Variants in GPC5 observed in about 807,000 individuals in gnomAD.
The protein encoded by GPC5 is glypican-5.
In GPC5, 47 loss-of-function variants were observed where a neutral mutation model predicts 53.9. The ratio of observed to expected loss-of-function variants is 0.87; its 90% confidence interval spans 0.69 to 1.11. The LOEUF (loss-of-function observed/expected upper bound fraction) is 1.11. Ranked by LOEUF, GPC5 falls within the 50% of genes most tolerant of loss-of-function variation. GPC5 has a pLI of 0.00. For synonymous variants in GPC5, 286 were observed against 263.3 expected, an observed-to-expected ratio of 1.09 and a Z score of -0.84; for missense variants, 748 against 713.1, an observed-to-expected ratio of 1.05 and a Z score of -0.56.
chr13:92,087,616 T>C (rs1433497965), intron 6 of GPC5, among the ~76,000 whole-genome samples: 7 of 152,196 alleles, frequency 4.6e-5, no homozygotes, highest in African/African-American at 1.7e-4. Flanking sequence ...TATAAACTTA[T>C]CTATAATTGG....
At position 91,849,445 on chromosome 13, in the gene GPC5, A is replaced by G. The variant is rs72647296; in HGVS notation, c.1281-58492A>G. ...TAGCTCTATGAACATTTAAAAATATATTTTATACCTTCCAGTATTTTTTCA... is the reference window on the plus strand; with the variant it reads ...TAGCTCTATGAACATTTAAAAATATGTTTTATACCTTCCAGTATTTTTTCA... On this transcript the variant is annotated intron_variant, in intron 5 of 7. Coordinates refer to ENST00000377067, the MANE Select transcript of GPC5 (RefSeq NM_004466.6). Among the ~76,000 whole-genome samples, 435 of 152,268 alleles carry G rather than the reference A, an allele frequency of 2.9e-3. 4 individuals carry two copies. Among genetic ancestry groups the G allele is most frequent in the Admixed American group, 0.012 (184 of 15,282 alleles).
chr13:92,004,097 T>A (rs2040581532), intron 6 of GPC5, among the ~76,000 whole-genome samples: 2 of 152,174 alleles, frequency 1.3e-5, no homozygotes, highest in East Asian at 1.9e-4. Context: ...TTTGTTACTG[T>A]AAAAACAGTT....
rs376267661 is a variant in GPC5, at chr13:92,269,660, C to A, written c.1561+124671C>A. Among the ~76,000 whole-genome samples the A allele has an allele frequency of 4.1e-4, 63 of 152,252 alleles. No homozygotes were observed. In the East Asian group the frequency reaches 7.6e-3, roughly 18 times the overall value. On this transcript the variant is annotated intron_variant, in intron 7 of 7. Coordinates refer to ENST00000377067, the MANE Select transcript of GPC5 (RefSeq NM_004466.6). ...TGACCTCGTGATCTGCCCGCCTCAG[C>A]CTCCCAAAGTGCTGGGATTACAGGC... is the stretch of plus-strand genomic sequence containing the variant.
chr13:92,464,719 C>T lies in GPC5; in HGVS notation c.1561+319730C>T, dbSNP rs529102978. Among the ~76,000 whole-genome samples the T allele has an allele frequency of 1.5e-3, 235 of 151,828 alleles. 1 individual carries two copies. The Middle Eastern group carries it at 0.027, about 18-fold the overall frequency. ...ATATTGTTATTAATAGAAATAGAAACTTTCAAAAATTACTTTAAAGCATGT... is the reference window on the plus strand; with the variant it reads ...ATATTGTTATTAATAGAAATAGAAATTTTCAAAAATTACTTTAAAGCATGT... On this transcript the variant is annotated intron_variant, in intron 7 of 7. Coordinates refer to ENST00000377067, the MANE Select transcript of GPC5 (RefSeq NM_004466.6).
intron 6 of GPC5, among the ~76,000 whole-genome samples, chr13:91,945,682 C>A (rs932365506): frequency 7.9e-4 from 121 of 152,216 alleles, no homozygotes; most frequent in African/African-American, 2.8e-3. Flanking sequence ...AGGGCCCACT[C>A]ATCATTTGCT....
intron 4 of GPC5, among the ~76,000 whole-genome samples, chr13:91,729,812 G>A (rs1424032516): frequency 6.6e-6 from 1 of 152,018 alleles, no homozygotes; most frequent in Admixed American, 6.6e-5. Flanking sequence ...AGTCCTTCGA[G>A]GTGTTGTATT....
chr13:92,114,202 C>T (rs1315654287), intron 6 of GPC5, among the ~76,000 whole-genome samples: 1 of 152,124 alleles, frequency 6.6e-6, no homozygotes, highest in Non-Finnish European at 1.5e-5. Flanking sequence ...CCTTCTTTGA[C>T]ATGTGCACAG....
intron 2 of GPC5, among the ~76,000 whole-genome samples, chr13:91,488,227 T>C (rs1398495876): frequency 1.3e-5 from 2 of 152,212 alleles, no homozygotes; most frequent in African/African-American, 4.8e-5. Flanking sequence ...TGATGTTCTG[T>C]ATTTTAGGGG....
chr13:91,945,066 C>T (rs1258479747), intron 6 of GPC5, among the ~76,000 whole-genome samples: 3 of 152,184 alleles, frequency 2.0e-5, no homozygotes, highest in East Asian at 3.8e-4. Flanking sequence ...CATATATAAG[C>T]ATATAATACA....
At chr13:92,581,646 T>C (rs1883373818) in intron 7 of GPC5, among the ~76,000 whole-genome samples, 2 of 152,178 alleles carry the variant, frequency 1.3e-5, no homozygotes, top group African/African-American at 2.4e-5. Flanking sequence ...TCCATACTGT[T>C]TTCCATAATG....
intron 6 of GPC5, among the ~76,000 whole-genome samples, chr13:91,909,736 A>C (rs375624726): frequency 6.6e-6 from 1 of 152,130 alleles, no homozygotes; most frequent in South Asian, 2.1e-4. Context: ...ACACATTTAC[A>C]GAGAAGAACA....
chr13:92,522,702 G>C (rs1479235287), intron 7 of GPC5, among the ~76,000 whole-genome samples: 1 of 152,054 alleles, frequency 6.6e-6, no homozygotes, highest in Non-Finnish European at 1.5e-5. Flanking sequence ...CTCCAACATG[G>C]CACATGTATG....
At chr13:91,873,183 C>T (rs2039166104) in intron 5 of GPC5, among the ~76,000 whole-genome samples, 2 of 152,098 alleles carry the variant, frequency 1.3e-5, no homozygotes, top group African/African-American at 4.8e-5. Context: ...ACATGTCTTC[C>T]AATCTAATCT....
intron 6 of GPC5, among the ~76,000 whole-genome samples, chr13:91,911,896 G>A (rs1048565879): frequency 2.0e-5 from 3 of 152,158 alleles, no homozygotes; most frequent in African/African-American, 7.2e-5. Context: ...GTCTGGCGGA[G>A]GGTTCCTGGG....
rs188378965 is a variant in GPC5 at position 92,060,409 on chromosome 13, A to G, written c.1402-84421A>G. 3.1e-3 allele frequency among the ~76,000 whole-genome samples: 477 copies of G among 152,214 alleles called. 3 individuals carry two copies. The highest frequency in any genetic ancestry group is 0.011 in the African/African-American group (458 of 41,492). On this transcript the variant is annotated intron_variant, in intron 6 of 7. Coordinates refer to ENST00000377067, the MANE Select transcript of GPC5 (RefSeq NM_004466.6). ...TATAACCATATACAGTACAAAAATG[A>G]AGGACTTTTTAAAATTCGATTTCCC... is the stretch of plus-strand genomic sequence containing the variant.
chr13:91,779,444 T>A (rs2037762155), intron 5 of GPC5, among the ~76,000 whole-genome samples: 1 of 152,090 alleles, frequency 6.6e-6, no homozygotes, highest in African/African-American at 2.4e-5. Flanking sequence ...CACTGCAACC[T>A]CCGCCACCCT....
chr13:92,799,026 A>T (rs1404674078), intron 7 of GPC5, among the ~76,000 whole-genome samples: 2 of 151,780 alleles, frequency 1.3e-5, no homozygotes, highest in Non-Finnish European at 2.9e-5. Flanking sequence ...AAATATTTCC[A>T]CTTTTCTTAG....
At chr13:92,420,735 A>C (rs1876521184) in intron 7 of GPC5, among the ~76,000 whole-genome samples, 1 of 152,186 alleles carries the variant, frequency 6.6e-6, no homozygotes, top group South Asian at 2.1e-4. Context: ...ATAAGTGAGA[A>C]CATGAGATGT....
intron 1 of GPC5, among the ~76,000 whole-genome samples, chr13:91,413,324 T>C (rs571275068): frequency 2.0e-5 from 3 of 151,920 alleles, no homozygotes; most frequent in South Asian, 4.2e-4. Context: ...TAAGACATCA[T>C]TGAAAGGAAA....
Sources: gnomAD v4.1 joint callset for allele counts (sites outside exome capture counted in the v4.1 genomes callset) on GRCh38, gnomAD v4.1.1 for gene constraint, MANE v1.5 for transcripts, NCBI Gene and HGNC (gene_info 2026-07-23, HGNC 2026-07-21) for gene names.